TMEM94: variants seen among roughly 807,000 people sequenced by gnomAD.
The protein encoded by TMEM94 is ER Mg2+ ATPase.
TMEM94 carries 81 observed loss-of-function variants against 158.6 expected under a neutral mutation model. That is an observed-to-expected ratio of 0.51 (90% CI 0.43 to 0.61). The LOEUF (loss-of-function observed/expected upper bound fraction) is 0.61. TMEM94 is among the 20% of genes least tolerant of loss of function. The pLI, the probability that TMEM94 is intolerant of heterozygous loss-of-function variation, is 0.00. For synonymous variants in TMEM94, 751 were observed against 730.7 expected (o/e 1.03, Z -0.45); for missense variants, 1,435 against 1,762.0 (o/e 0.81, Z 3.32).
chr17:75,484,580 A>G (rs75032883), intron 2 of TMEM94, among the ~76,000 whole-genome samples: 8,014 of 151,418 alleles, frequency 0.053, 221 homozygotes, highest in Middle Eastern at 0.099. Context: ...GATTTTTTGT[A>G]CAGATGGGGT....
intron 1 of TMEM94, chr17:75,457,300 T>G (rs1287081889): frequency 6.6e-6 from 1 of 152,296 alleles, no homozygotes. Context: ...CCAGAAGCGT[T>G]TTCAGGCTCC....
In TMEM94 at chr17:75,491,267, C is replaced by A; in HGVS notation, c.1234-36C>A. 6.4e-7 allele frequency: 1 copy of A among 1,553,114 alleles called. No homozygotes were observed. ...GCCCCTGGGCAGGATAGGCTAATGC[C>A]AGGCCCCTTTCCTATCTCAAATGCT... is the stretch of plus-strand genomic sequence containing the variant. On this transcript the variant is annotated intron_variant, in intron 12 of 31. Coordinates refer to ENST00000314256, the MANE Select transcript of TMEM94 (RefSeq NM_014738.6). This position sits in a 1 kb window ranked among gnomAD's most constrained non-coding sequence, Gnocchi z 5.1.
At chr17:75,476,580 G>C (rs1460398765) in intron 2 of TMEM94, 3 of 1,491,230 alleles carry the variant, frequency 2.0e-6, no homozygotes, top group Non-Finnish European at 2.7e-6. Flanking sequence ...ACTCTCAGCT[G>C]TCTCCGTCTC....
intron 2 of TMEM94, among the ~76,000 whole-genome samples, chr17:75,478,001 A>ATTTTTTT (rs1567922620): frequency 3.1e-5 from 3 of 95,870 alleles, no homozygotes; most frequent in African/African-American, 1.2e-4. Flanking sequence ...GCGAGACTCC[A>ATTTTTTT]TCTTTTTTTT....
intron 2 of TMEM94, among the ~76,000 whole-genome samples, chr17:75,480,221 G>C (rs530768188): frequency 9.2e-5 from 14 of 152,264 alleles, no homozygotes; most frequent in Non-Finnish European, 1.6e-4. Flanking sequence ...GCTGCAAAGA[G>C]CAGACTGGCC....
At chr17:75,478,141 A>G (rs1180913181) in intron 2 of TMEM94, among the ~76,000 whole-genome samples, 2 of 131,164 alleles carry the variant, frequency 1.5e-5, no homozygotes, top group African/African-American at 2.8e-5. Flanking sequence ...TCAGCCTCCC[A>G]AGTAGCTGGG....
chr17:75,476,434 C>T (rs993742855), intron 2 of TMEM94: 71 of 1,209,666 alleles, frequency 5.9e-5, no homozygotes, highest in Admixed American at 5.6e-4. Flanking sequence ...CCCTCCCTCC[C>T]GCCCTTCCAG....
In TMEM94 at chr17:75,491,579, C is replaced by T; in HGVS notation, c.1387-112C>T. The T allele has an allele frequency of 6.4e-7, 1 of 1,559,098 alleles. No homozygotes were observed. Among genetic ancestry groups the T allele is most frequent in the Non-Finnish European group, 8.8e-7 (1 of 1,139,102 alleles). ...AGGAGGGTTTGGGCACCATTAGGAT[C>T]TGCTTCTGGGCAGGTGAGGTGAAGA... On this transcript the variant is annotated intron_variant, in intron 13 of 31. Transcript: ENST00000314256. The surrounding 1 kb of genome is among the most constrained non-coding windows in gnomAD (Gnocchi z 5.1).
In TMEM94 at chr17:75,497,199, G is replaced by T. The variant is rs1207255336; in HGVS notation, c.3407+1G>T. The T allele has an allele frequency of 6.2e-7, 1 of 1,612,564 alleles. No homozygotes were observed. Among genetic ancestry groups the T allele is most frequent in the African/African-American group, 1.3e-5 (1 of 74,852 alleles). ...CCTGCTTTTGCTACCCTCTGCTCAG[G>T]TGAGATGCCATGTATCTTCCCCACA... On this transcript the variant is annotated splice_donor_variant, in intron 26 of 31. Coordinates refer to ENST00000314256, the MANE Select transcript of TMEM94 (RefSeq NM_014738.6). LOFTEE classifies it high-confidence loss of function.
At chr17:75,475,227 G>A (rs1373028197) in intron 2 of TMEM94, among the ~76,000 whole-genome samples, 14 of 152,152 alleles carry the variant, frequency 9.2e-5, no homozygotes, top group Non-Finnish European at 5.9e-5. Context: ...GAGTCTTCCT[G>A]TTCTTAACCT....
At chr17:75,482,654 C>G (rs1248870566) in intron 2 of TMEM94, among the ~76,000 whole-genome samples, 1 of 152,142 alleles carries the variant, frequency 6.6e-6, no homozygotes, top group East Asian at 1.9e-4. Context: ...TTTTTAAAAG[C>G]TGTGGTGTCT....
rs776685707 is a variant in TMEM94 at position 75,495,287 on chromosome 17, C to A, written c.2732C>A (p.Ser911Tyr). The stretch of plus-strand genomic sequence containing the variant: ...GGAGAGGCTTTTGTCCCCACAGTGT[C>A]CCGAGATGATGCAGAAGGGCTCCTC... ...GSLHDDLNQV[S>Y]RDDAEGLLLM... The change falls in exon 21 of 32, where the codon TCC (serine) becomes TAC (tyrosine). Residue 911 changes from serine to tyrosine, a missense_variant. This residue lies in a region of TMEM94 where 1,051 missense variants were observed against 1,254.4 expected (regional missense o/e 0.84). Transcript: ENST00000314256. This position sits in a 1 kb window ranked among gnomAD's most constrained non-coding sequence, Gnocchi z 5.6. 6.2e-6 allele frequency: 10 copies of A among 1,606,362 alleles called. No homozygotes were observed. Among genetic ancestry groups the A allele is most frequent in the South Asian group, 1.1e-5 (1 of 90,644 alleles).
chr17:75,485,461 C>T lies in TMEM94; in HGVS notation c.58C>T (p.Arg20Trp), dbSNP rs548664808. ...TCCCTCAGCCCTGGGCCTGTCCACG[C>T]GGAAGGCCCTCAGCGTCCTGAAGGA... ...EPPSALGLST[R>W]KALSVLKEQL... The change falls in exon 3 of 32, where the codon CGG (arginine) becomes TGG (tryptophan). Residue 20 changes from arginine (R) to tryptophan (W), a missense_variant. Coordinates refer to ENST00000314256, the MANE Select transcript of TMEM94 (RefSeq NM_014738.6). The surrounding 1 kb of genome is among the most constrained non-coding windows in gnomAD (Gnocchi z 5.5). 138 of 1,614,106 alleles carry T rather than the reference C, an allele frequency of 8.5e-5. 1 individual carries two copies. The South Asian group carries it at 1.1e-3, about 13-fold the overall frequency.
At chr17:75,460,389 G>A (rs1010537477) in intron 1 of TMEM94, among the ~76,000 whole-genome samples, 2 of 152,192 alleles carry the variant, frequency 1.3e-5, no homozygotes, top group African/African-American at 4.8e-5. Flanking sequence ...AAAGATGTAT[G>A]CTGGACAAAG....
At position 75,493,900 on chromosome 17, in the gene TMEM94, C is replaced by G; in HGVS notation, c.2391C>G (p.Ser797Arg). 6.2e-7 allele frequency: 1 copy of G among 1,612,072 alleles called. No individual in the cohort carries two copies. Among genetic ancestry groups the G allele is most frequent in the African/African-American group, 1.3e-5 (1 of 75,058 alleles). ...TIPIKQNARR[S>R]SWSSDEGIGE... ...CCATCAAGCAGAACGCCCGCCGCAG[C>G]AGCTGGAGCTCTGACGGTACCTCAT... The change falls in exon 18 of 32, where the codon AGC becomes AGG. Residue 797 changes from serine to arginine, a missense_variant. Physicochemically the swap from Ser to Arg is moderately radical, Grantham distance 110. Around this residue, in one of 3 missense-constraint regions of TMEM94, gnomAD observed 1,051 missense variants for 1,254.4 expected, o/e 0.84. Coordinates refer to ENST00000314256, the MANE Select transcript of TMEM94 (RefSeq NM_014738.6).
rs546639010 is a variant in TMEM94, at chr17:75,479,996, G to C, written c.25-5432G>C. 2.0e-4 allele frequency among the ~76,000 whole-genome samples: 30 copies of C among 151,930 alleles called. No homozygotes were observed. In the Middle Eastern group the frequency reaches 0.01, roughly 52 times the overall value. On this transcript the variant is annotated intron_variant, in intron 2 of 31. Coordinates refer to ENST00000314256, the MANE Select transcript of TMEM94 (RefSeq NM_014738.6). ...CAGCTGCTTGGAGGCTGAGGTGGGA[G>C]AATTGCTTGAGCCCCAGAGGTGGGG...
At position 75,485,428 on chromosome 17, in the gene TMEM94, G is replaced by T. The variant is rs372001942; in HGVS notation, c.25G>T (p.Gly9Cys). 6.2e-7 allele frequency: 1 copy of T among 1,610,182 alleles called. No homozygotes were observed. The highest frequency in any genetic ancestry group is 1.3e-5 in the African/African-American group (1 of 74,862). ...CCCAGCGCCTCCTGCTTGCCTGCAG[G>T]GCGAGCCTCCCTCAGCCCTGGGCCT... Reference protein sequence around the residue: MDLKEKHLGEPPSALGLST... With the variant: MDLKEKHLCEPPSALGLST... The change falls in exon 3 of 32, where the codon GGC (glycine) becomes TGC (cysteine). Residue 9 changes from glycine (G) to cysteine (C), a missense_variant and splice_region_variant. Coordinates refer to ENST00000314256, the MANE Select transcript of TMEM94 (RefSeq NM_014738.6). The surrounding 1 kb of genome is among the most constrained non-coding windows in gnomAD (Gnocchi z 5.5).
At chr17:75,463,764 CTT>C (rs138707880) in intron 1 of TMEM94, among the ~76,000 whole-genome samples, 1,762 of 152,276 alleles carry the variant, frequency 0.012, 19 homozygotes, top group Non-Finnish European at 0.018. Context: ...TGGATTTTGA[CTT>C]TGATCTCCTT....
chr17:75,472,008 G>T, intron 2 of TMEM94, 79 bp downstream of exon 2: 1 of 1,478,950 alleles, frequency 6.8e-7, no homozygotes, highest in African/African-American at 1.4e-5. Context: ...TTGCCTGGGA[G>T]ATCCTTAACT....
Sources: allele counts gnomAD v4.1 joint callset (sites outside exome capture counted in the v4.1 genomes callset), GRCh38; gene constraint gnomAD v4.1.1; regional missense constraint gnomAD v4.1.1; non-coding constraint Gnocchi (gnomAD v3.1); transcripts MANE v1.5; gene names NCBI Gene and HGNC (gene_info 2026-07-23, HGNC 2026-07-21).